The following EIF2AK2 variants were observed in gnomAD, a reference collection of about 807,000 sequenced individuals.
The protein encoded by EIF2AK2 is eukaryotic translation initiation factor 2 alpha kinase 2, also known as interferon-induced, double-stranded RNA-activated protein kinase.
A neutral mutation model predicts 70.5 loss-of-function variants in EIF2AK2; 40 were observed. The observed-to-expected ratio is 0.57, with a 90% CI of 0.44 to 0.74. The LOEUF (loss-of-function observed/expected upper bound fraction) is 0.74. Ranked by LOEUF, EIF2AK2 falls within the 30% of genes least tolerant of loss-of-function variation. The pLI is 0.00. For missense variants in EIF2AK2, 555 were observed against 644.3 expected, an observed-to-expected ratio of 0.86 and a Z score of 1.50; for synonymous variants, 198 against 220.9, an observed-to-expected ratio of 0.90 and a Z score of 0.92.
Position 37,122,642 on chromosome 2 carries a change from C to G in EIF2AK2, c.931G>C (p.Ala311Pro). Residue 311 changes from alanine (A) to proline (P), a missense_variant, in exon 12 of 17, where the codon GCA becomes CCA. By Grantham distance (27) the Ala-to-Pro change is conservative (BLOSUM62 -1). Coordinates refer to ENST00000233057, the MANE Select transcript of EIF2AK2 (RefSeq NM_001135651.3). ...TTTACATGATCAAGTTTTGCCAATG[C>G]TTTTACTTCACGCTCCGCCTTCCTA... The part of the protein sequence containing the change: ...NNEKAEREVK[A>P]LAKLDHVNIV... The G allele has an allele frequency of 6.2e-7, 1 of 1,614,134 alleles. No homozygotes were observed. Among genetic ancestry groups the G allele is most frequent in the Non-Finnish European group, 8.5e-7 (1 of 1,180,026 alleles).
intron 9 of EIF2AK2, among the ~76,000 whole-genome samples, chr2:37,136,118 T>C (rs1259071852): frequency 6.6e-6 from 1 of 152,200 alleles, no homozygotes; most frequent in Non-Finnish European, 1.5e-5. Flanking sequence ...ATCCTAGCTG[T>C]TATTCCTTAC....
chr2:37,111,911 ATCATAATAAATCTCTCTCTCTCTCTCTC>A, intron 14 of EIF2AK2, among the ~76,000 whole-genome samples: 1 of 99,372 alleles, frequency 1.0e-5, no homozygotes, highest in Non-Finnish European at 2.1e-5. Flanking sequence ...ATATATATAT[ATCATAATAAATCTCTCTCTCTCTCTCTC>A]TATATATATA....
At chr2:37,139,501 C>G in intron 6 of EIF2AK2, 130 bp downstream of exon 6, 1 of 1,319,128 alleles carries the variant, frequency 7.6e-7, no homozygotes, top group South Asian at 1.4e-5. Flanking sequence ...CTCATCGGTA[C>G]GACACAGAAT....
At chr2:37,148,337 T>C (rs1289173586) in intron 2 of EIF2AK2, among the ~76,000 whole-genome samples, 2 of 152,056 alleles carry the variant, frequency 1.3e-5, no homozygotes, top group Non-Finnish European at 2.9e-5. Flanking sequence ...GAAAAAGATT[T>C]AGAGTATATA....
At chr2:37,155,444 A>G (rs1227008491) in intron 1 of EIF2AK2, among the ~76,000 whole-genome samples, 1 of 152,146 alleles carries the variant, frequency 6.6e-6, no homozygotes, top group African/African-American at 2.4e-5. Context: ...TTATAGTGCA[A>G]TATCTGCATT....
At chr2:37,149,510 C>T (rs1308570747) in intron 1 of EIF2AK2, among the ~76,000 whole-genome samples, 1 of 152,070 alleles carries the variant, frequency 6.6e-6, no homozygotes, top group Non-Finnish European at 1.5e-5. Context: ...TTAAGCCTGC[C>T]TGGACCAATA....
intron 1 of EIF2AK2, among the ~76,000 whole-genome samples, chr2:37,151,934 C>T (rs772513318): frequency 3.3e-4 from 50 of 152,290 alleles, no homozygotes; most frequent in Non-Finnish European, 5.1e-4. Flanking sequence ...GGCGCGGTGG[C>T]GCGCGCCTGT....
At chr2:37,141,040 A>T (rs1675312605) in intron 5 of EIF2AK2, among the ~76,000 whole-genome samples, 1 of 152,202 alleles carries the variant, frequency 6.6e-6, no homozygotes, top group African/African-American at 2.4e-5. Flanking sequence ...CATCTGTCTC[A>T]TCAGATCCCT....
At chr2:37,125,591 T>C (rs1335290014) in intron 11 of EIF2AK2, among the ~76,000 whole-genome samples, 1 of 152,222 alleles carries the variant, frequency 6.6e-6, no homozygotes, top group Non-Finnish European at 1.5e-5. Context: ...GGTATTCTGA[T>C]TGACAGTCCC....
rs549435874 is a variant in EIF2AK2, at chr2:37,137,145, C to T, written c.688-128G>A. 3.6e-4 allele frequency: 240 copies of T among 664,394 alleles called. 2 individuals are homozygous for T. The Middle Eastern group carries it at 9.1e-3, about 25-fold the overall frequency. 41.2% of individuals were successfully genotyped at this position (664,394 alleles called of 1,614,324 possible). A position where few individuals can be genotyped will look rare whatever the true frequency, so the allele number is the denominator to read the frequency against. On this transcript the variant is annotated intron_variant, in intron 8 of 16. Transcript: ENST00000233057. ...TTCTTAGTCCATCAATGTCTGTACT[C>T]TCATCAAGCCCTGTATCAACACTTA...
intron 13 of EIF2AK2, among the ~76,000 whole-genome samples, chr2:37,117,453 C>T (rs1246920315): frequency 6.6e-6 from 1 of 151,862 alleles, no homozygotes; most frequent in African/African-American, 2.4e-5. Flanking sequence ...GGGAGGATTG[C>T]TTGAGCCTAG....
chr2:37,147,563 T>C (rs1675597702), intron 3 of EIF2AK2, 125 bp downstream of exon 3: 1 of 476,806 alleles, frequency 2.1e-6, no homozygotes, highest in Non-Finnish European at 3.9e-6. Flanking sequence ...ACATGCGGTG[T>C]TTGGTTTTTT....
intron 14 of EIF2AK2, among the ~76,000 whole-genome samples, chr2:37,110,532 A>G (rs1309575347): frequency 1.3e-5 from 2 of 152,206 alleles, no homozygotes; most frequent in African/African-American, 4.8e-5. Flanking sequence ...CAGGAAGTTA[A>G]AGAGAGCCAC....
intron 1 of EIF2AK2, among the ~76,000 whole-genome samples, chr2:37,150,474 A>G (rs1160657939): frequency 1.3e-5 from 2 of 152,186 alleles, no homozygotes; most frequent in Non-Finnish European, 2.9e-5. Flanking sequence ...AAGAGTTTTA[A>G]TATTTTAGCA....
chr2:37,124,300 C>T (rs1414632236), intron 11 of EIF2AK2, among the ~76,000 whole-genome samples: 4 of 151,694 alleles, frequency 2.6e-5, no homozygotes, highest in African/African-American at 7.3e-5. Flanking sequence ...CTTGCTTTGT[C>T]GCCCAGGCTG....
rs1329516142 is a variant in EIF2AK2, at chr2:37,103,001, TTC to T, written c.*4270_*4271del. The T allele has an allele frequency of 8.9e-6, 1 of 111,952 alleles. No homozygotes were observed. Among genetic ancestry groups the T allele is most frequent in the Non-Finnish European group, 1.9e-5 (1 of 53,874 alleles). The allele number at this position is 111,952 out of a possible 1,614,324, so 6.9% of individuals were successfully genotyped here. A position where few individuals can be genotyped will look rare whatever the true frequency, so the allele number is the denominator to read the frequency against. On this transcript the variant is annotated 3_prime_UTR_variant, in exon 17 of 17. Coordinates refer to ENST00000233057, the MANE Select transcript of EIF2AK2 (RefSeq NM_001135651.3). ...ATTATATTAAAATGGCTCTCAAAAT[TTC>T]TGTGTGTGTGTGTGTGTGTGTGCAT...
At position 37,141,718 on chromosome 2, in the gene EIF2AK2, T is replaced by C; in HGVS notation, c.241-17A>G. 1.9e-6 allele frequency: 3 copies of C among 1,588,698 alleles called. No individual in the cohort carries two copies. The highest frequency in any genetic ancestry group is 1.2e-5 in the South Asian group (1 of 85,772). The stretch of plus-strand genomic sequence containing the variant: ...ACTAACTGCCTACAAAGAAAAAAAA[T>C]TCCTGTTTAATATAAATGACAACAA... On this transcript the variant is annotated splice_polypyrimidine_tract_variant and intron_variant, in intron 4 of 16. Transcript: ENST00000233057.
intron 14 of EIF2AK2, among the ~76,000 whole-genome samples, chr2:37,111,873 AAAAAAATATATAT>A (rs1403084549): frequency 2.3e-5 from 1 of 42,670 alleles, no homozygotes; most frequent in Non-Finnish European, 5.3e-5. Context: ...AAAAAAAAAA[AAAAAAATATATAT>A]ATATATATAT....
In EIF2AK2 at chr2:37,156,939, G is replaced by T; in HGVS notation, c.-215C>A. 1 of 185,644 alleles carries T rather than the reference G, an allele frequency of 5.4e-6. No homozygotes were observed. The highest frequency in any genetic ancestry group is 1.1e-4 in the South Asian group (1 of 9,104). 11.5% of individuals were successfully genotyped at this position (185,644 alleles called of 1,614,324 possible). ...CGCCGCCGCCGCCGCCGCCGCCGCC[G>T]GCCGGAGACCCGCGGCTTCGGGAGA... On this transcript the variant is annotated 5_prime_UTR_variant, in exon 1 of 17. Coordinates refer to ENST00000233057, the MANE Select transcript of EIF2AK2 (RefSeq NM_001135651.3).
Sources: allele counts gnomAD v4.1 joint callset (sites outside exome capture counted in the v4.1 genomes callset), GRCh38; gene constraint gnomAD v4.1.1; transcripts MANE v1.5; gene names NCBI Gene and HGNC (gene_info 2026-07-23, HGNC 2026-07-21).